The following DPYD variants were observed in gnomAD, a reference collection of about 807,000 sequenced individuals.
The protein encoded by DPYD is dihydropyrimidine dehydrogenase [NADP(+)].
DPYD carries 109 observed loss-of-function variants against 116.2 expected under a neutral mutation model. The observed-to-expected ratio is 0.94, with a 90% confidence interval of 0.80 to 1.10. DPYD has a LOEUF of 1.10. Ranked by LOEUF, DPYD falls within the 50% of genes least tolerant of loss-of-function variation. The pLI is 0.00. For synonymous variants in DPYD, 440 were observed against 432.0 expected, an observed-to-expected ratio of 1.02 and a Z score of -0.23; for missense variants, 1,302 against 1,254.5, an observed-to-expected ratio of 1.04 and a Z score of -0.57.
intron 8 of DPYD, among the ~76,000 whole-genome samples, chr1:97,653,103 A>G (rs1658688016): frequency 6.6e-6 from 1 of 151,962 alleles, no homozygotes; most frequent in Non-Finnish European, 1.5e-5. Context: ...CTCCCTTTGT[A>G]CGTCACTACA....
intron 11 of DPYD, among the ~76,000 whole-genome samples, chr1:97,573,492 C>T (rs1653048500): frequency 6.6e-6 from 1 of 151,974 alleles, no homozygotes; most frequent in African/African-American, 2.4e-5. Context: ...AGAAACAAGG[C>T]AAATATCATT....
intron 13 of DPYD, among the ~76,000 whole-genome samples, chr1:97,470,883 AG>A (rs952224231): frequency 3.9e-5 from 6 of 151,998 alleles, no homozygotes; most frequent in African/African-American, 1.4e-4. Context: ...CCAGCTACTC[AG>A]GGGGCTGAGG....
intron 1 of DPYD, among the ~76,000 whole-genome samples, chr1:97,894,300 C>G (rs935598264): frequency 9.9e-5 from 15 of 151,748 alleles, no homozygotes; most frequent in Non-Finnish European, 5.9e-5. Flanking sequence ...CCTCATCTAC[C>G]CCTAGCTACC....
chr1:97,563,133 A>G (rs1410160539), intron 11 of DPYD, among the ~76,000 whole-genome samples: 1 of 152,212 alleles, frequency 6.6e-6, no homozygotes, highest in African/African-American at 2.4e-5. Flanking sequence ...ACTCTGCAAT[A>G]CAAAATACAT....
At chr1:97,829,920 T>C (rs1394979264) in intron 2 of DPYD, among the ~76,000 whole-genome samples, 1 of 150,548 alleles carries the variant, frequency 6.6e-6, no homozygotes, top group African/African-American at 2.4e-5. Context: ...CCAGACAGGC[T>C]CCAGTGTGGG....
Position 97,323,485 on chromosome 1 carries a change from GTA to G in DPYD, c.2059-17190_2059-17189del, listed in dbSNP as rs1207584007. On this transcript the variant is annotated intron_variant, in intron 16 of 22. Transcript: ENST00000370192. The stretch of plus-strand genomic sequence containing the variant: ...TATACATATATGTGTATATATACAC[GTA>G]TATATACATATCATATGTACATATG... Among the ~76,000 whole-genome samples, 11 of 113,796 alleles carry G rather than the reference GTA, an allele frequency of 9.7e-5. 1 individual carries two copies. In the East Asian group the frequency reaches 2.4e-3, roughly 25 times the overall value. The allele number at this position is 113,796 out of a possible 152,430, so 74.7% of individuals were successfully genotyped here.
At chr1:97,230,088 A>T (rs190427655) in intron 19 of DPYD, among the ~76,000 whole-genome samples, 88 of 152,306 alleles carry the variant, frequency 5.8e-4, no homozygotes, top group Middle Eastern at 3.4e-3. Flanking sequence ...GGCCTGGCAT[A>T]AAAAGATAAA....
chr1:97,777,389 T>C (rs1666467222), intron 3 of DPYD, among the ~76,000 whole-genome samples: 1 of 152,194 alleles, frequency 6.6e-6, no homozygotes, highest in South Asian at 2.1e-4. Context: ...GCCACACTAA[T>C]TTCTCTTCCC....
At chr1:97,180,344 C>T (rs1311119544) in intron 20 of DPYD, among the ~76,000 whole-genome samples, 1 of 151,972 alleles carries the variant, frequency 6.6e-6, no homozygotes, top group African/African-American at 2.4e-5. Flanking sequence ...ATGGGCTTAA[C>T]GGGAGATATA....
chr1:97,398,038 T>C (rs773151147), intron 14 of DPYD, among the ~76,000 whole-genome samples: 1 of 152,098 alleles, frequency 6.6e-6, no homozygotes, highest in African/African-American at 2.4e-5. Flanking sequence ...TGTTGGTGTG[T>C]TGCACCCATT....
intron 1 of DPYD, among the ~76,000 whole-genome samples, chr1:97,914,700 G>C (rs1438318906): frequency 6.6e-6 from 1 of 151,948 alleles, no homozygotes; most frequent in Non-Finnish European, 1.5e-5. Flanking sequence ...TACACCAGTG[G>C]GCTCGCAGTA....
rs553575482 is a variant in DPYD at position 97,221,472 on chromosome 1, T to A, written c.2442+13380A>T. The stretch of plus-strand genomic sequence containing the variant: ...TACCCACAGCTTCATAAGAATTATA[T>A]AAATTAACATATGGAAAAGGCTTTT... On this transcript the variant is annotated intron_variant, in intron 19 of 22. Transcript: ENST00000370192. Among the ~76,000 whole-genome samples, 29 of 152,146 alleles carry A rather than the reference T, an allele frequency of 1.9e-4. No individual in the cohort carries two copies. In the South Asian group the frequency reaches 5.6e-3, roughly 29 times the overall value.
At chr1:97,521,690 G>A (rs1648680451) in intron 12 of DPYD, among the ~76,000 whole-genome samples, 1 of 152,086 alleles carries the variant, frequency 6.6e-6, no homozygotes, top group South Asian at 2.1e-4. Flanking sequence ...AAAACAGCAT[G>A]GTACTGGTAC....
At chr1:97,330,869 G>A (rs1668951100) in intron 16 of DPYD, among the ~76,000 whole-genome samples, 1 of 152,004 alleles carries the variant, frequency 6.6e-6, no homozygotes, top group African/African-American at 2.4e-5. Context: ...TTTTCATCAT[G>A]CAATATCATC....
At chr1:97,766,315 T>C (rs1665854409) in intron 3 of DPYD, among the ~76,000 whole-genome samples, 1 of 152,070 alleles carries the variant, frequency 6.6e-6, no homozygotes, top group South Asian at 2.1e-4. Flanking sequence ...ATTTATGAAG[T>C]ATGGTAAGAT....
At position 97,425,177 on chromosome 1, in the gene DPYD, A is replaced by T. The variant is rs116834237; in HGVS notation, c.1905+24882T>A. ...TGCATCAATACTATTTTTTAAGCCTATAAGAAAATCAGCAGTATAAATAGA... is the reference window on the plus strand; with the variant it reads ...TGCATCAATACTATTTTTTAAGCCTTTAAGAAAATCAGCAGTATAAATAGA... On this transcript the variant is annotated intron_variant, in intron 14 of 22. Transcript: ENST00000370192. 3.9e-3 allele frequency among the ~76,000 whole-genome samples: 596 copies of T among 152,174 alleles called. 5 individuals are homozygous for T. The highest frequency in any genetic ancestry group is 0.014 in the African/African-American group (581 of 41,564).
intron 8 of DPYD, among the ~76,000 whole-genome samples, chr1:97,671,072 AAG>A (rs1385140521): frequency 2.0e-5 from 3 of 152,116 alleles, no homozygotes; most frequent in Non-Finnish European, 4.4e-5. Context: ...TGTTTTATAA[AAG>A]GTTTTTTAAA....
chr1:97,330,574 A>G (rs912231728), intron 16 of DPYD, among the ~76,000 whole-genome samples: 17 of 152,310 alleles, frequency 1.1e-4, no homozygotes, highest in African/African-American at 3.4e-4. Flanking sequence ...GGAAAATATG[A>G]TAAGAACAAA....
chr1:97,166,733 C>T (rs1656354662), intron 20 of DPYD, among the ~76,000 whole-genome samples: 1 of 152,200 alleles, frequency 6.6e-6, no homozygotes, highest in South Asian at 2.1e-4. Flanking sequence ...ATTCCTTCCA[C>T]ACTTCCCCTT....
Sources: gnomAD v4.1 joint callset for allele counts (sites outside exome capture counted in the v4.1 genomes callset) on GRCh38, gnomAD v4.1.1 for gene constraint, MANE v1.5 for transcripts, NCBI Gene and HGNC (gene_info 2026-07-23, HGNC 2026-07-21) for gene names.